KCNK1: variants seen among roughly 807,000 people sequenced by gnomAD.
KCNK1 encodes potassium channel subfamily K member 1.
KCNK1 carries 10 observed loss-of-function variants against 22.2 expected under a neutral mutation model. The observed-to-expected ratio is 0.45, with a 90% CI of 0.28 to 0.76. The LOEUF is 0.76. Among genes scored for constraint, KCNK1 ranks in the 30% least tolerant of loss-of-function variants. KCNK1 has a pLI of 0.14. For synonymous variants in KCNK1, 200 were observed against 186.4 expected (o/e 1.07, Z -0.60); for missense variants, 378 against 421.0 (o/e 0.90, Z 0.89).
intron 1 of KCNK1, among the ~76,000 whole-genome samples, chr1:233,642,291 TC>T (rs1448527100): frequency 6.6e-6 from 1 of 152,190 alleles, no homozygotes; most frequent in Admixed American, 6.5e-5. Flanking sequence ...CAAACCAACT[TC>T]CCTCCAGGTT....
At chr1:233,665,576 G>T (rs1658473847) in intron 1 of KCNK1, among the ~76,000 whole-genome samples, 1 of 64,760 alleles carries the variant, frequency 1.5e-5, no homozygotes, top group Non-Finnish European at 3.6e-5. Flanking sequence ...AAGAAGAAGG[G>T]TTAACAAACC....
chr1:233,633,798 G>A (rs1036985499), intron 1 of KCNK1, among the ~76,000 whole-genome samples: 3 of 152,092 alleles, frequency 2.0e-5, no homozygotes, highest in African/African-American at 7.2e-5. Flanking sequence ...GATTTAAGAA[G>A]AAAACATTAA....
At chr1:233,662,281 C>A (rs1163223749) in intron 1 of KCNK1, among the ~76,000 whole-genome samples, 1 of 151,838 alleles carries the variant, frequency 6.6e-6, no homozygotes, top group South Asian at 2.1e-4. Context: ...TCTCCTCCTC[C>A]TCCTCCTCTT....
intron 1 of KCNK1, among the ~76,000 whole-genome samples, chr1:233,615,050 TC>T (rs1657463629): frequency 6.6e-6 from 1 of 152,188 alleles, no homozygotes. Context: ...GAGTGTGCCG[TC>T]CCTTTGGACC....
intron 2 of KCNK1, among the ~76,000 whole-genome samples, chr1:233,669,507 T>A (rs2102913328): frequency 6.6e-6 from 1 of 152,296 alleles, no homozygotes; most frequent in African/African-American, 2.4e-5. Flanking sequence ...TGTTTTTGTC[T>A]GAAACCCCAT....
At chr1:233,644,308 A>G (rs1571897745) in intron 1 of KCNK1, among the ~76,000 whole-genome samples, 1 of 152,300 alleles carries the variant, frequency 6.6e-6, no homozygotes, top group East Asian at 1.9e-4. Flanking sequence ...TTTCCAGGAC[A>G]TGAATTGTGG....
At chr1:233,657,817 TA>T (rs775459409) in intron 1 of KCNK1, among the ~76,000 whole-genome samples, 2 of 148,338 alleles carry the variant, frequency 1.3e-5, no homozygotes, top group Non-Finnish European at 3.0e-5. Flanking sequence ...TTAAAAGTGT[TA>T]ATTTTTTTTT....
chr1:233,668,730 C>T (rs1037101337), intron 2 of KCNK1, among the ~76,000 whole-genome samples: 1 of 152,086 alleles, frequency 6.6e-6, no homozygotes, highest in Non-Finnish European at 1.5e-5. Flanking sequence ...CTCAGCCTCC[C>T]AAATAGCTGG....
In KCNK1 at chr1:233,614,134, G is replaced by C. The variant is rs1399971638; in HGVS notation, c.-38G>C. On this transcript the variant is annotated 5_prime_UTR_variant, in exon 1 of 3. Transcript: ENST00000366621. ...AGAGGCGGCGGGCCGCGCTCCGGCC[G>C]GTCTGCGGCGTTGGCCTTGGCGGCG... is the stretch of plus-strand genomic sequence containing the variant. The C allele has an allele frequency of 7.9e-7, 1 of 1,269,444 alleles. No individual in the cohort carries two copies. Among genetic ancestry groups the C allele is most frequent in the South Asian group, 1.7e-5 (1 of 59,046 alleles). The allele number at this position is 1,269,444 out of a possible 1,614,324, so 78.6% of individuals were successfully genotyped here. A position where few individuals can be genotyped will look rare whatever the true frequency, so the allele number is the denominator to read the frequency against.
intron 2 of KCNK1, among the ~76,000 whole-genome samples, chr1:233,667,195 T>G (rs1004631148): frequency 1.3e-5 from 2 of 152,072 alleles, no homozygotes; most frequent in Non-Finnish European, 2.9e-5. Context: ...GGCTTCTGTC[T>G]CTATTTTGCC....
chr1:233,644,502 G>T (rs1182495121), intron 1 of KCNK1, among the ~76,000 whole-genome samples: 1 of 152,164 alleles, frequency 6.6e-6, no homozygotes, highest in African/African-American at 2.4e-5. Context: ...TAGTAGTGGG[G>T]GCTACAACAA....
intron 1 of KCNK1, among the ~76,000 whole-genome samples, chr1:233,639,683 C>CA (rs1298304119): frequency 1.5e-4 from 23 of 152,002 alleles, no homozygotes; most frequent in South Asian, 8.4e-4. Context: ...TGTTCAATTA[C>CA]AAAAAAAACA....
intron 1 of KCNK1, among the ~76,000 whole-genome samples, chr1:233,619,016 T>G (rs1657532922): frequency 6.6e-6 from 1 of 152,116 alleles, no homozygotes; most frequent in South Asian, 2.1e-4. Context: ...CTGTTCCTTT[T>G]TGTTTATTTT....
chr1:233,637,927 A>G (rs1172962780), intron 1 of KCNK1, among the ~76,000 whole-genome samples: 2 of 151,930 alleles, frequency 1.3e-5, no homozygotes, highest in Non-Finnish European at 1.5e-5. Flanking sequence ...TCAGTAGTAT[A>G]TTTAATATTT....
intron 1 of KCNK1, among the ~76,000 whole-genome samples, chr1:233,623,561 G>A (rs755170187): frequency 1.1e-4 from 16 of 152,280 alleles, no homozygotes; most frequent in South Asian, 4.1e-4. Context: ...AAATTATTAC[G>A]TGTCAGTTTT....
chr1:233,649,352 T>C (rs781210929), intron 1 of KCNK1, among the ~76,000 whole-genome samples: 13 of 152,210 alleles, frequency 8.5e-5, no homozygotes, highest in Admixed American at 2.0e-4. Flanking sequence ...TGATTTTTCA[T>C]TGGTGAAATG....
chr1:233,615,483 A>G (rs552228624), intron 1 of KCNK1, among the ~76,000 whole-genome samples: 9 of 152,344 alleles, frequency 5.9e-5, no homozygotes, highest in South Asian at 4.1e-4. Context: ...GGAGATATCA[A>G]TTGGTATTTG....
chr1:233,659,794 A>G (rs561005413), intron 1 of KCNK1, among the ~76,000 whole-genome samples: 1 of 152,144 alleles, frequency 6.6e-6, no homozygotes. Context: ...GTTATGTGGT[A>G]CATTGACTAC....
intron 1 of KCNK1, among the ~76,000 whole-genome samples, chr1:233,626,915 C>T (rs1657698582): frequency 6.6e-6 from 1 of 151,946 alleles, no homozygotes; most frequent in Non-Finnish European, 1.5e-5. Context: ...ATAAATATCT[C>T]CAGTACTCTT....
Sources: allele counts gnomAD v4.1 joint callset (sites outside exome capture counted in the v4.1 genomes callset), GRCh38; gene constraint gnomAD v4.1.1; transcripts MANE v1.5; gene names NCBI Gene and HGNC (gene_info 2026-07-23, HGNC 2026-07-21).